RTBDN: variants seen among roughly 807,000 people sequenced by gnomAD.
RTBDN encodes retbindin.
RTBDN carries 24 observed loss-of-function variants against 21.9 expected under a neutral mutation model. The observed-to-expected ratio is 1.10, with a 90% confidence interval of 0.79 to 1.54. RTBDN has a LOEUF of 1.54. Ranked by LOEUF, RTBDN falls within the 40% of genes most tolerant of loss-of-function variation. The pLI is 0.00. For missense variants in RTBDN, 325 were observed against 315.2 expected (o/e 1.03, Z -0.23); for synonymous variants, 141 against 125.9 (o/e 1.12, Z -0.80).
chr19:12,835,015 G>T, upstream of RTBDN: 1 of 1,588,416 alleles, frequency 6.3e-7, no homozygotes, highest in Non-Finnish European at 8.6e-7. Context: ...AGATAAAGCC[G>T]AGAATGGGCC....
chr19:12,828,048 G>A (rs568707889), intron 4 of RTBDN, among the ~76,000 whole-genome samples: 37 of 148,458 alleles, frequency 2.5e-4, no homozygotes, highest in Non-Finnish European at 4.7e-4. Context: ...AGCTGAGATC[G>A]TGTCACTGCA....
intron 5 of RTBDN, chr19:12,826,404 T>C (rs1568394748): frequency 6.3e-6 from 8 of 1,269,778 alleles, no homozygotes; most frequent in Admixed American, 5.6e-5. Flanking sequence ...AAGAAAGAAC[T>C]TGGTGGGGGC....
At chr19:12,833,588 G>A (rs1273247159) in intron 1 of RTBDN, among the ~76,000 whole-genome samples, 1 of 152,084 alleles carries the variant, frequency 6.6e-6, no homozygotes, top group Admixed American at 6.5e-5. Flanking sequence ...TGTATCTCAG[G>A]GAGAAGGCTT....
chr19:12,829,897 C>G lies in RTBDN; in HGVS notation c.83G>C (p.Cys28Ser), dbSNP rs764720502. ...GGCTTGGAGTGGGCGGCTCCCTCCACAGGCTTCTAGCAGGATCCATGCCAA... is the reference window on the plus strand; with the variant it reads ...GGCTTGGAGTGGGCGGCTCCCTCCAGAGGCTTCTAGCAGGATCCATGCCAA... The part of the protein sequence containing the change: ...LTLAWILLEA[C>S]GGSRPLQARS... Residue 28 changes from cysteine (C) to serine (S), a missense_variant, in exon 2 of 6, where the codon TGT becomes TCT. Physicochemically the swap from Cys to Ser is moderately radical, Grantham distance 112 (BLOSUM62 -1). Transcript: ENST00000674343. 6.2e-6 allele frequency: 10 copies of G among 1,614,056 alleles called. No homozygotes were observed. The African/African-American group carries it at 1.3e-4, about 22-fold the overall frequency.
intron 1 of RTBDN, among the ~76,000 whole-genome samples, chr19:12,831,515 G>A (rs771956516): frequency 1.6e-4 from 24 of 152,148 alleles, no homozygotes; most frequent in Non-Finnish European, 3.2e-4. Context: ...AACCAGGCTG[G>A]CCAACGTGGT....
chr19:12,835,171 A>C, upstream of RTBDN: 2 of 1,482,958 alleles, frequency 1.3e-6, no homozygotes, highest in Non-Finnish European at 1.9e-6. Context: ...GCAGCAGGAA[A>C]AATGGTGATC....
intron 5 of RTBDN, chr19:12,826,241 A>C (rs1385470612): frequency 3.9e-6 from 5 of 1,287,800 alleles, no homozygotes; most frequent in Non-Finnish European, 4.9e-6. Context: ...ATGTGGATGG[A>C]CCCAGAGCAG....
chr19:12,828,227 C>A (rs540090554), intron 4 of RTBDN, among the ~76,000 whole-genome samples: 55 of 152,000 alleles, frequency 3.6e-4, no homozygotes, highest in African/African-American at 1.2e-3. Context: ...GAAACCTCGT[C>A]TCTACTAAAA....
chr19:12,831,022 G>GTGTGTA (rs1969554828), intron 1 of RTBDN, among the ~76,000 whole-genome samples: 1 of 121,226 alleles, frequency 8.2e-6, no homozygotes, highest in African/African-American at 3.4e-5. Flanking sequence ...GTGGTTGTGT[G>GTGTGTA]TGTGTGTGTG....
Position 12,828,973 on chromosome 19 carries a change from T to C in RTBDN, c.170-20A>G, listed in dbSNP as rs1209121477. The stretch of plus-strand genomic sequence containing the variant: ...AAGGTCCTGGCAAAGGGGAACCCTG[T>C]GAGCTAGGGTCTTGGATATTCAGGT... On this transcript the variant is annotated intron_variant, in intron 2 of 5. Transcript: ENST00000674343. The C allele has an allele frequency of 1.9e-5, 31 of 1,613,844 alleles. No individual in the cohort carries two copies. The highest frequency in any genetic ancestry group is 2.5e-5 in the Non-Finnish European group (30 of 1,179,904).
At chr19:12,835,067 G>T, upstream of RTBDN, 1 of 1,611,830 alleles carries the variant, frequency 6.2e-7, no homozygotes, top group African/African-American at 1.3e-5. Context: ...TGGGAAAAGA[G>T]GATTCAAACC....
In RTBDN at chr19:12,830,352, T is replaced by C; in HGVS notation, c.-18-355A>G. The C allele has an allele frequency of 9.8e-7, 1 of 1,017,452 alleles. No individual in the cohort carries two copies. 63.0% of individuals were successfully genotyped at this position (1,017,452 alleles called of 1,614,324 possible). A position where few individuals can be genotyped will look rare whatever the true frequency, so the allele number is the denominator to read the frequency against. ...ACCTCCCTAGGTCTTCCAATCCCCC[T>C]CTCCTGTTCAGTAATTCCTCCCTCT... On this transcript the variant is annotated intron_variant, in intron 1 of 5. Coordinates refer to ENST00000674343, the MANE Select transcript of RTBDN (RefSeq NM_001270441.2). The surrounding 1 kb of genome is among the most constrained non-coding windows in gnomAD (Gnocchi z 4.2).
At position 12,826,756 on chromosome 19, in the gene RTBDN, C is replaced by T; in HGVS notation, c.462+19G>A. 2.7e-6 allele frequency: 4 copies of T among 1,458,314 alleles called. No homozygotes were observed. Among genetic ancestry groups the T allele is most frequent in the Non-Finnish European group, 2.8e-6 (3 of 1,062,700 alleles). 90.3% of individuals were successfully genotyped at this position (1,458,314 alleles called of 1,614,324 possible). The stretch of plus-strand genomic sequence containing the variant: ...GGAGGATCTCAGTCTCTTCCCTTCA[C>T]CTTCTGCCCCACGCTCACCTGTCCA... On this transcript the variant is annotated intron_variant, in intron 5 of 5. Coordinates refer to ENST00000674343, the MANE Select transcript of RTBDN (RefSeq NM_001270441.2).
At chr19:12,833,203 G>C (rs1165733577) in intron 1 of RTBDN, among the ~76,000 whole-genome samples, 3 of 152,104 alleles carry the variant, frequency 2.0e-5, no homozygotes, top group Non-Finnish European at 4.4e-5. Flanking sequence ...GTTTTTCTGA[G>C]GTTGCGTCTC....
intron 4 of RTBDN, among the ~76,000 whole-genome samples, chr19:12,828,318 C>T (rs1407901069): frequency 6.6e-6 from 1 of 151,834 alleles, no homozygotes; most frequent in Non-Finnish European, 1.5e-5. Context: ...ATCGCTTGAA[C>T]CCGGGAAGTG....
At chr19:12,826,071 G>A (rs1969285091) in intron 5 of RTBDN, 138 bp from the exon 6 acceptor site, 2 of 1,414,514 alleles carry the variant, frequency 1.4e-6, no homozygotes, top group Middle Eastern at 1.9e-4. Context: ...GTCTATGTGC[G>A]GAACGTGAGT....
chr19:12,826,728 T>C (rs1568395147), intron 5 of RTBDN, 47 bp downstream of exon 5: 2 of 1,111,772 alleles, frequency 1.8e-6, no homozygotes, highest in Non-Finnish European at 2.7e-6. Context: ...AATAACTTGG[T>C]GGGGAGGATC....
At chr19:12,835,092 C>T, upstream of RTBDN, 1 of 1,612,964 alleles carries the variant, frequency 6.2e-7, no homozygotes, top group East Asian at 2.2e-5. Flanking sequence ...CCTAGGGCTT[C>T]GTCCATTTCT....
chr19:12,830,606 C>CTT lies in RTBDN; in HGVS notation c.-18-610_-18-609insAA, dbSNP rs1157020213. 2 of 985,490 alleles carry CTT rather than the reference C, an allele frequency of 2.0e-6. No individual in the cohort carries two copies. Among genetic ancestry groups the CTT allele is most frequent in the Non-Finnish European group, 2.4e-6 (2 of 830,072 alleles). 61.0% of individuals were successfully genotyped at this position (985,490 alleles called of 1,614,324 possible). A position where few individuals can be genotyped will look rare whatever the true frequency, so the allele number is the denominator to read the frequency against. On this transcript the variant is annotated intron_variant, in intron 1 of 5. Coordinates refer to ENST00000674343, the MANE Select transcript of RTBDN (RefSeq NM_001270441.2). The surrounding 1 kb of genome is among the most constrained non-coding windows in gnomAD (Gnocchi z 4.2). Reference sequence around the variant, plus strand: ...CCTTCCCGCCTCCCCGCATTCAGCCCCTCACCTGTTGGCTGGATTGGGGTC... The same window carrying CTT: ...CCTTCCCGCCTCCCCGCATTCAGCCCTTCTCACCTGTTGGCTGGATTGGGGTC...
Sources: allele counts gnomAD v4.1 joint callset (sites outside exome capture counted in the v4.1 genomes callset), GRCh38; gene constraint gnomAD v4.1.1; non-coding constraint Gnocchi (gnomAD v3.1); transcripts MANE v1.5; gene names NCBI Gene and HGNC (gene_info 2026-07-23, HGNC 2026-07-21).